Variants in TSC2 observed in about 807,000 individuals in gnomAD.
TSC2 encodes TSC complex subunit 2.
A neutral mutation model predicts 202.2 loss-of-function variants in TSC2; 29 were observed. The observed-to-expected ratio is 0.14, with a 90% CI of 0.11 to 0.20. TSC2 has a LOEUF of 0.20. TSC2 is among the 10% of genes least tolerant of loss of function. The probability of loss-of-function intolerance (pLI) is 1.00; values close to 1 mark genes in which losing one functional copy is unlikely to be tolerated. For missense variants in TSC2, 2,429 were observed against 2,420.0 expected (o/e 1.00, Z -0.08); for synonymous variants, 1,349 against 1,044.0 (o/e 1.29, Z -5.63).
Position 2,062,490 on chromosome 16 carries a change from T to C in TSC2, c.1258-7T>C. ...CAGAGGGGCAACACCGGCTCTTCTT[T>C]TGACAGGAGTCCTCCCTCCTGAACC... On this transcript the variant is annotated splice_region_variant and splice_polypyrimidine_tract_variant and intron_variant, in intron 12 of 41. Transcript: ENST00000219476. The C allele has an allele frequency of 1.9e-6, 3 of 1,606,688 alleles. No homozygotes were observed. Among genetic ancestry groups the C allele is most frequent in the East Asian group, 2.2e-5 (1 of 44,810 alleles).
At chr16:2,054,797 C>T in intron 5 of TSC2, 1 of 395,276 alleles carries the variant, frequency 2.5e-6, no homozygotes, top group Non-Finnish European at 4.8e-6. Context: ...CTCCTTTCTC[C>T]ACTTTGTGGA....
intron 13 of TSC2, 142 bp downstream of exon 13, chr16:2,062,742 G>C: frequency 5.9e-6 from 6 of 1,016,150 alleles, no homozygotes; most frequent in South Asian, 1.4e-5. Context: ...TGGGTGAGCA[G>C]GTGCTAGCTT....
chr16:2,052,568 C>A (rs1381528899), intron 3 of TSC2, among the ~76,000 whole-genome samples: 1 of 152,254 alleles, frequency 6.6e-6, no homozygotes, highest in East Asian at 1.9e-4. Flanking sequence ...CCTCTGCCAC[C>A]CGAAGTGCTG....
intron 35 of TSC2, 21 bp downstream of exon 35, chr16:2,085,047 CT>C (rs1393405739): frequency 3.7e-6 from 6 of 1,612,610 alleles, no homozygotes; most frequent in Non-Finnish European, 5.1e-6. Flanking sequence ...CCTCCCTCTC[CT>C]GCATCCGCTG....
In TSC2 at chr16:2,081,668, G is replaced by T. The variant is rs185457522; in HGVS notation, c.3684G>T (p.Leu1228=). 6.2e-7 allele frequency: 1 copy of T among 1,612,986 alleles called. No homozygotes were observed. Among genetic ancestry groups the T allele is most frequent in the East Asian group, 2.2e-5 (1 of 44,890 alleles). Residue 1228 remains leucine (L), a synonymous_variant, in exon 31 of 42, where the codon CTG becomes CTT. Coordinates refer to ENST00000219476, the MANE Select transcript of TSC2 (RefSeq NM_000548.5). ...CCTCGGACATCAACAACATGCCCCT[G>T]CAGGAGCTGTCTAACGCCCTCATGG... The part of the protein sequence containing the change: ...PFSSDINNMP[L]QELSNALMAA...
intron 38 of TSC2, 144 bp from the exon 39 acceptor site, chr16:2,087,719 C>G: frequency 9.6e-7 from 1 of 1,039,836 alleles, no homozygotes; most frequent in Non-Finnish European, 1.4e-6. Flanking sequence ...CAGACAAACA[C>G]AGCCCCGCTG....
Position 2,079,258 on chromosome 16 carries a change from A to C in TSC2, c.3132-18A>C. On this transcript the variant is annotated intron_variant, in intron 27 of 41. Coordinates refer to ENST00000219476, the MANE Select transcript of TSC2 (RefSeq NM_000548.5). The surrounding 1 kb of genome is among the most constrained non-coding windows in gnomAD (Gnocchi z 4.6). The stretch of plus-strand genomic sequence containing the variant: ...GAGCTCCACGGGCAAGCTGGGTTTC[A>C]CGCTCCCTGTCTTCTAGGTCTCCTG... 1 of 1,612,732 alleles carries C rather than the reference A, an allele frequency of 6.2e-7. No individual in the cohort carries two copies. The highest frequency in any genetic ancestry group is 8.5e-7 in the Non-Finnish European group (1 of 1,179,964).
intron 20 of TSC2, chr16:2,072,645 G>T (rs11864849): frequency 1.3e-5 from 11 of 870,706 alleles, no homozygotes; most frequent in Non-Finnish European, 1.9e-5. Context: ...CTCCCGTGCC[G>T]TTCACCTCAC....
chr16:2,079,169 T>C lies in TSC2; in HGVS notation c.3104T>C (p.Phe1035Ser). The C allele has an allele frequency of 6.2e-7, 1 of 1,612,866 alleles. No individual in the cohort carries two copies. The highest frequency in any genetic ancestry group is 8.5e-7 in the Non-Finnish European group (1 of 1,180,002). The change falls in exon 27 of 42, where the codon TTC becomes TCC. Residue 1035 changes from phenylalanine to serine, a missense_variant. Phe to Ser is a radical substitution (Grantham distance 155). Transcript: ENST00000219476. The surrounding 1 kb of genome is among the most constrained non-coding windows in gnomAD (Gnocchi z 4.6). ...CTGGACATGATGGCTCGATACGTCT[T>C]CTCCAACTTCACGGCTGTCCCGAAG... ...TCLDMMARYV[F>S]SNFTAVPKRS...
rs778545519 is a variant in TSC2, at chr16:2,077,746, G to A, written c.2966+20G>A. 2 of 1,610,874 alleles carry A rather than the reference G, an allele frequency of 1.2e-6. No individual in the cohort carries two copies. The highest frequency in any genetic ancestry group is 1.1e-5 in the South Asian group (1 of 91,048). ...CCGCAGGTAGCGGGACTGTCGGGTG[G>A]GGGGCACGGACCCTGGAGCTTGGCC... On this transcript the variant is annotated intron_variant, in intron 26 of 41. Coordinates refer to ENST00000219476, the MANE Select transcript of TSC2 (RefSeq NM_000548.5).
rs45517312 is a variant in TSC2 at position 2,081,854 on chromosome 16, C to T, written c.3814+56C>T. On this transcript the variant is annotated intron_variant, in intron 31 of 41. Coordinates refer to ENST00000219476, the MANE Select transcript of TSC2 (RefSeq NM_000548.5). ...TCTGCTCCCACTGGCCTGGTGCTCC[C>T]GGTGACGGCAATGTGGCTCCTCTCT... 79 of 1,587,556 alleles carry T rather than the reference C, an allele frequency of 5.0e-5. No homozygotes were observed. The highest frequency in any genetic ancestry group is 4.6e-4 in the African/African-American group (34 of 74,278).
At chr16:2,069,513 T>G (rs1315554832) in intron 16 of TSC2, among the ~76,000 whole-genome samples, 1 of 149,746 alleles carries the variant, frequency 6.7e-6, no homozygotes, top group Non-Finnish European at 1.5e-5. Flanking sequence ...ACAGTCTTGC[T>G]CTGTCGCCCA....
Position 2,064,200 on chromosome 16 carries a change from A to G in TSC2, c.1444-72A>G, listed in dbSNP as rs2086995656. 3.7e-6 allele frequency: 6 copies of G among 1,611,226 alleles called. No homozygotes were observed. The East Asian group carries it at 1.3e-4, about 36-fold the overall frequency. On this transcript the variant is annotated intron_variant, in intron 14 of 41. Transcript: ENST00000219476. ...TCCGCTGCTTGCGGGTCGGTTCCTG[A>G]GGAATTGGAAGTGTCACGAGATGTG...
At chr16:2,050,524 T>A (rs768922905) in intron 3 of TSC2, 38 bp downstream of exon 3, 52 of 1,582,186 alleles carry the variant, frequency 3.3e-5, no homozygotes, top group Admixed American at 1.3e-4. Flanking sequence ...GAGAGGCACG[T>A]AGACTATTCA....
At position 2,074,183 on chromosome 16, in the gene TSC2, T is replaced by C; in HGVS notation, c.2356-17T>C. On this transcript the variant is annotated splice_polypyrimidine_tract_variant and intron_variant, in intron 21 of 41. Transcript: ENST00000219476. ...TGCTGCAAGCGGGTGGGGCCTGAGGTGTCCTGTCTCCTGCAGCGCGAGATG... is the reference window on the plus strand; with the variant it reads ...TGCTGCAAGCGGGTGGGGCCTGAGGCGTCCTGTCTCCTGCAGCGCGAGATG... 1.2e-6 allele frequency: 2 copies of C among 1,610,138 alleles called. No individual in the cohort carries two copies. Among genetic ancestry groups the C allele is most frequent in the Middle Eastern group, 2.2e-4 (1 of 4,556 alleles).
Position 2,076,185 on chromosome 16 carries a change from G to A in TSC2, c.2742+15G>A, listed in dbSNP as rs45517261. The A allele has an allele frequency of 1.7e-5, 28 of 1,613,316 alleles. No homozygotes were observed. The highest frequency in any genetic ancestry group is 8.0e-5 in the African/African-American group (6 of 75,036). ...TCATCACTAAGGTGGGCTCAGGGCC[G>A]GTGAAGGCTGTGTCTCTCGGTAGGC... On this transcript the variant is annotated intron_variant, in intron 24 of 41. Transcript: ENST00000219476.
At chr16:2,081,845 T>C (rs751450687) in intron 31 of TSC2, 47 bp downstream of exon 31, 1 of 1,599,562 alleles carries the variant, frequency 6.3e-7, no homozygotes, top group South Asian at 1.1e-5. Context: ...CCCACTGGCC[T>C]GGTGCTCCCG....
At chr16:2,061,776 G>C in intron 11 of TSC2, 95 bp from the exon 12 acceptor site, 1 of 1,602,218 alleles carries the variant, frequency 6.2e-7, no homozygotes, top group Non-Finnish European at 8.5e-7. Flanking sequence ...GAGGGCTGAG[G>C]GTGTCTCCAT....
In TSC2 at chr16:2,084,558, C is replaced by G; in HGVS notation, c.4336C>G (p.Pro1446Ala). ...DSRGQPEGPL[P>A]SSSPRSPSGL... ...TCGGGGCCAGCCCGAGGGTCCCTTG[C>G]CTTCCAGCTCCCCCCGCTCGCCCAG... The change falls in exon 34 of 42, where the codon CCT becomes GCT. Residue 1446 changes from proline to alanine, a missense_variant. By Grantham distance (27) the Pro-to-Ala change is conservative (BLOSUM62 -1). Coordinates refer to ENST00000219476, the MANE Select transcript of TSC2 (RefSeq NM_000548.5). The G allele has an allele frequency of 6.2e-7, 1 of 1,608,744 alleles. No homozygotes were observed. Among genetic ancestry groups the G allele is most frequent in the Admixed American group, 1.7e-5 (1 of 59,928 alleles).
Sources: gnomAD v4.1 joint callset for allele counts (sites outside exome capture counted in the v4.1 genomes callset) on GRCh38, gnomAD v4.1.1 for gene constraint, Gnocchi (gnomAD v3.1) non-coding constraint, MANE v1.5 for transcripts, NCBI Gene and HGNC (gene_info 2026-07-23, HGNC 2026-07-21) for gene names.